Variants in TTC7A observed in about 807,000 individuals in gnomAD.
TTC7A encodes tetratricopeptide repeat protein 7A.
A neutral mutation model predicts 103.7 loss-of-function variants in TTC7A; 110 were observed. The observed-to-expected ratio is 1.06, with a 90% confidence interval of 0.91 to 1.24. TTC7A has a LOEUF of 1.24. Among genes scored for constraint, TTC7A ranks in the 50% most tolerant of loss-of-function variants. The probability of loss-of-function intolerance (pLI) is 0.00; values close to 1 mark genes in which losing one functional copy is unlikely to be tolerated. For synonymous variants in TTC7A, 521 were observed against 467.9 expected (o/e 1.11, Z -1.47); for missense variants, 1,340 against 1,116.3 (o/e 1.20, Z -2.86).
At chr2:47,006,141 C>G in intron 9 of TTC7A, 82 bp downstream of exon 9, 4 of 1,543,150 alleles carry the variant, frequency 2.6e-6, no homozygotes, top group Non-Finnish European at 3.5e-6. Context: ...TTTGTCCCTT[C>G]TCCACCTGTC....
intron 11 of TTC7A, among the ~76,000 whole-genome samples, chr2:47,012,013 T>G (rs555638244): frequency 1.3e-5 from 2 of 152,224 alleles, no homozygotes; most frequent in Admixed American, 1.3e-4. Context: ...GTTCGAGGCC[T>G]TTAACCCCCC....
intron 3 of TTC7A, among the ~76,000 whole-genome samples, chr2:46,971,732 A>C (rs913998737): frequency 1.3e-5 from 2 of 152,130 alleles, no homozygotes; most frequent in African/African-American, 4.8e-5. Context: ...ATAGGGCAGG[A>C]AACAGTTGAG....
chr2:46,935,184 C>T (rs932130703), intron 2 of TTC7A, among the ~76,000 whole-genome samples: 1 of 152,102 alleles, frequency 6.6e-6, no homozygotes, highest in African/African-American at 2.4e-5. Context: ...AGGCTTGTCC[C>T]TGCTGGAAAA....
intron 2 of TTC7A, among the ~76,000 whole-genome samples, chr2:46,931,279 T>A (rs1341087581): frequency 1.3e-5 from 2 of 152,236 alleles, no homozygotes; most frequent in Non-Finnish European, 1.5e-5. Context: ...ATAGACAGGG[T>A]CTGGCTCTAT....
intron 2 of TTC7A, among the ~76,000 whole-genome samples, chr2:46,923,457 C>G (rs1169510005): frequency 6.6e-6 from 1 of 152,226 alleles, no homozygotes; most frequent in African/African-American, 2.4e-5. Flanking sequence ...TGCTAGAAAA[C>G]AGGGTCAAAG....
intron 2 of TTC7A, 198 bp from the exon 3 acceptor site, chr2:46,956,641 G>T: frequency 1.7e-6 from 1 of 600,632 alleles, no homozygotes; most frequent in Admixed American, 2.9e-5. Context: ...GAATTTTATT[G>T]AGAACCACAA....
intron 5 of TTC7A, among the ~76,000 whole-genome samples, chr2:46,991,866 A>G (rs1260093275): frequency 6.6e-6 from 1 of 152,100 alleles, no homozygotes; most frequent in African/African-American, 2.4e-5. Context: ...AGGTCATCGT[A>G]ACTCTGATCC....
chr2:46,984,946 G>C (rs1195570630), intron 5 of TTC7A, among the ~76,000 whole-genome samples: 1 of 152,134 alleles, frequency 6.6e-6, no homozygotes, highest in East Asian at 1.9e-4. Flanking sequence ...GCTGATGCAC[G>C]GTGCGCTGAC....
intron 19 of TTC7A, among the ~76,000 whole-genome samples, chr2:47,064,633 A>G (rs1684042625): frequency 6.6e-6 from 1 of 152,180 alleles, no homozygotes; most frequent in African/African-American, 2.4e-5. Context: ...TGCACCAGGC[A>G]CTTCCAAGGG....
chr2:46,994,565 G>C, intron 7 of TTC7A, 51 bp downstream of exon 7: 2 of 1,586,934 alleles, frequency 1.3e-6, no homozygotes, highest in Non-Finnish European at 1.7e-6. Context: ...TCTCACGCAG[G>C]GTTCTGTCCC....
intron 19 of TTC7A, among the ~76,000 whole-genome samples, chr2:47,062,276 G>A (rs1683854149): frequency 6.6e-6 from 1 of 152,156 alleles, no homozygotes. Context: ...TCCTTGAAAA[G>A]GAAATACAAA....
intron 11 of TTC7A, among the ~76,000 whole-genome samples, chr2:47,020,707 C>G (rs1468571732): frequency 1.3e-5 from 2 of 152,262 alleles, no homozygotes; most frequent in Non-Finnish European, 2.9e-5. Context: ...TCTGCTCTTT[C>G]AGTTTGCACA....
In TTC7A at chr2:47,051,856, C is replaced by T; in HGVS notation, c.2128C>T (p.Leu710=). Residue 710 remains leucine (L), a synonymous_variant, in exon 18 of 20, where the codon CTG becomes TTG. Transcript: ENST00000319190. ...GGGCCCCATGCAGCTGTGGACCACGCTGGAACAGATCTGGCTGCAGGCTGG... is the reference window on the plus strand; with the variant it reads ...GGGCCCCATGCAGCTGTGGACCACGTTGGAACAGATCTGGCTGCAGGCTGG... The part of the protein sequence containing the change: ...KQGPMQLWTT[L]EQIWLQAAEL... 1 of 1,611,510 alleles carries T rather than the reference C, an allele frequency of 6.2e-7. No individual in the cohort carries two copies. Among genetic ancestry groups the T allele is most frequent in the Non-Finnish European group, 8.5e-7 (1 of 1,179,350 alleles).
intron 18 of TTC7A, among the ~76,000 whole-genome samples, chr2:47,054,907 A>G (rs1573046750): frequency 6.6e-6 from 1 of 151,948 alleles, no homozygotes; most frequent in Non-Finnish European, 1.5e-5. Flanking sequence ...CTGGTGCACA[A>G]CCGCCACGGC....
At chr2:47,063,130 TG>T (rs1683922909) in intron 19 of TTC7A, among the ~76,000 whole-genome samples, 3 of 152,268 alleles carry the variant, frequency 2.0e-5, no homozygotes. Context: ...TGTGCTGGCC[TG>T]AGGCTCAGGA....
intron 16 of TTC7A, among the ~76,000 whole-genome samples, chr2:47,048,273 G>T (rs759885760): frequency 6.6e-6 from 1 of 152,194 alleles, no homozygotes; most frequent in Non-Finnish European, 1.5e-5. Context: ...GTTCTTCAAG[G>T]TAGGGACCAT....
At chr2:47,009,339 T>A (rs189254861) in intron 10 of TTC7A, among the ~76,000 whole-genome samples, 378 of 152,252 alleles carry the variant, frequency 2.5e-3, no homozygotes, top group African/African-American at 8.8e-3. Flanking sequence ...TGGCCTTTTT[T>A]GTCTCTCCCA....
intron 2 of TTC7A, chr2:46,951,832 C>A: frequency 2.8e-6 from 1 of 356,912 alleles, no homozygotes; most frequent in East Asian, 7.8e-5. Flanking sequence ...CCAGCATGGA[C>A]CCTGCCCTCA....
chr2:47,038,528 T>TC (rs1681382218), intron 15 of TTC7A, among the ~76,000 whole-genome samples: 1 of 152,202 alleles, frequency 6.6e-6, no homozygotes, highest in South Asian at 2.1e-4. Context: ...ATAGAACTCT[T>TC]CATTAAAACA....
Sources: allele counts gnomAD v4.1 joint callset (sites outside exome capture counted in the v4.1 genomes callset), GRCh38; gene constraint gnomAD v4.1.1; transcripts MANE v1.5; gene names NCBI Gene and HGNC (gene_info 2026-07-23, HGNC 2026-07-21).